The following NEK7 variants were observed in gnomAD, a reference collection of about 807,000 sequenced individuals.
NEK7 encodes the protein serine/threonine-protein kinase Nek7.
In NEK7, 18 loss-of-function variants were observed where a neutral mutation model predicts 44.6. That is an observed-to-expected ratio of 0.40 (90% CI 0.28 to 0.60). The LOEUF is 0.60. NEK7 is among the 20% of genes least tolerant of loss of function. The pLI, the probability that NEK7 is intolerant of heterozygous loss-of-function variation, is 0.38. For missense variants in NEK7, 256 were observed against 366.5 expected (o/e 0.70, Z 2.46); for synonymous variants, 130 against 121.1 (o/e 1.07, Z -0.48).
chr1:198,281,772 C>A (rs1654205685), intron 7 of NEK7, among the ~76,000 whole-genome samples: 1 of 151,970 alleles, frequency 6.6e-6, no homozygotes, highest in Admixed American at 6.6e-5. Flanking sequence ...ATTGGCAAGT[C>A]TTTGCATTTT....
intron 2 of NEK7, among the ~76,000 whole-genome samples, chr1:198,233,903 C>T (rs1056460013): frequency 4.0e-5 from 6 of 151,888 alleles, no homozygotes; most frequent in African/African-American, 1.5e-4. Flanking sequence ...AAATCCTGCC[C>T]ATCCTTTAAG....
intron 9 of NEK7, among the ~76,000 whole-genome samples, chr1:198,298,408 A>C (rs1659845338): frequency 6.6e-6 from 1 of 152,192 alleles, no homozygotes; most frequent in South Asian, 2.1e-4. Context: ...GGTAGTTTTG[A>C]TACTGATAAT....
chr1:198,226,752 C>T (rs960529547), intron 1 of NEK7, among the ~76,000 whole-genome samples: 1 of 151,822 alleles, frequency 6.6e-6, no homozygotes, highest in Non-Finnish European at 1.5e-5. Flanking sequence ...TCTCTGTGAA[C>T]TTCTCCTGCC....
At chr1:198,208,346 T>C (rs929713667) in intron 1 of NEK7, among the ~76,000 whole-genome samples, 1 of 152,178 alleles carries the variant, frequency 6.6e-6, no homozygotes, top group Non-Finnish European at 1.5e-5. Context: ...ATCACTTTAA[T>C]TTTAGGGTTT....
intron 1 of NEK7, among the ~76,000 whole-genome samples, chr1:198,158,820 G>C (rs909986172): frequency 6.6e-6 from 1 of 152,156 alleles, no homozygotes; most frequent in African/African-American, 2.4e-5. Flanking sequence ...CCAGTCCACA[G>C]CTTGCTTCAC....
intron 3 of NEK7, among the ~76,000 whole-genome samples, chr1:198,255,413 G>T (rs578192628): frequency 6.6e-6 from 1 of 152,216 alleles, no homozygotes; most frequent in African/African-American, 2.4e-5. Context: ...CTGATTCTGA[G>T]TGTGGAAAAC....
intron 9 of NEK7, among the ~76,000 whole-genome samples, chr1:198,317,079 ATAAT>A (rs78133987): frequency 0.035 from 5,320 of 152,310 alleles, 178 homozygotes; most frequent in East Asian, 0.19. Flanking sequence ...AATGTAACAA[ATAAT>A]TGAGGAAAAG....
intron 1 of NEK7, among the ~76,000 whole-genome samples, chr1:198,225,460 C>T (rs969051052): frequency 6.6e-6 from 1 of 152,026 alleles, no homozygotes; most frequent in Non-Finnish European, 1.5e-5. Flanking sequence ...GGTGCAGTAG[C>T]CTGTTAACTG....
Position 198,196,479 on chromosome 1 carries a change from T to C in NEK7, c.-28-36074T>C, listed in dbSNP as rs77276295. 4.5e-4 allele frequency among the ~76,000 whole-genome samples: 69 copies of C among 152,352 alleles called. 1 individual carries two copies. In the East Asian group the frequency reaches 0.01, roughly 22 times the overall value. On this transcript the variant is annotated intron_variant, in intron 1 of 9. Coordinates refer to ENST00000367385, the MANE Select transcript of NEK7 (RefSeq NM_133494.3). ...CCCCACTTGCTAGCTGTGTGACGTATCTGTTAGGAATAGATTTAGCTTTAA... is the reference window on the plus strand; with the variant it reads ...CCCCACTTGCTAGCTGTGTGACGTACCTGTTAGGAATAGATTTAGCTTTAA...
At chr1:198,310,354 G>A (rs1206478831) in intron 9 of NEK7, among the ~76,000 whole-genome samples, 2 of 151,958 alleles carry the variant, frequency 1.3e-5, no homozygotes, top group Non-Finnish European at 2.9e-5. Flanking sequence ...GCCTTTGTCA[G>A]ATGAGTAGGT....
Position 198,258,405 on chromosome 1 carries a change from C to T in NEK7, c.199-4170C>T, listed in dbSNP as rs1169376451. On this transcript the variant is annotated intron_variant, in intron 3 of 9. Transcript: ENST00000367385. ...AGTGAGCCAAGATCACGCCACTGCA[C>T]TCCAGCCTGGAGACAAAGCAAGACT... 2.0e-5 allele frequency among the ~76,000 whole-genome samples: 3 copies of T among 152,190 alleles called. No homozygotes were observed. The East Asian group carries it at 5.8e-4, about 29-fold the overall frequency.
At chr1:198,314,760 G>A (rs1655301253) in intron 9 of NEK7, among the ~76,000 whole-genome samples, 1 of 152,228 alleles carries the variant, frequency 6.6e-6, no homozygotes, top group Non-Finnish European at 1.5e-5. Context: ...TCAGGGGTCA[G>A]AGACCCACTT....
intron 3 of NEK7, among the ~76,000 whole-genome samples, chr1:198,257,507 G>A (rs1051726747): frequency 6.6e-6 from 1 of 152,068 alleles, no homozygotes; most frequent in Non-Finnish European, 1.5e-5. Flanking sequence ...TAACCTCTGT[G>A]GCTCTGCCTT....
At chr1:198,231,937 G>GA (rs958433795) in intron 1 of NEK7, among the ~76,000 whole-genome samples, 1 of 152,048 alleles carries the variant, frequency 6.6e-6, no homozygotes, top group Admixed American at 6.6e-5. Context: ...GTAGTTCCTG[G>GA]AGTGTAAGGG....
At chr1:198,226,935 G>A (rs1419092476) in intron 1 of NEK7, among the ~76,000 whole-genome samples, 2 of 151,862 alleles carry the variant, frequency 1.3e-5, no homozygotes, top group Non-Finnish European at 2.9e-5. Context: ...AGTTACATAT[G>A]TATACATGTG....
In NEK7 at chr1:198,264,197, G is replaced by T; in HGVS notation, c.334G>T (p.Glu112Ter). Reference sequence around the variant, plus strand: ...AGATAATGAACTAAACATAGTTTTGGAACTAGCAGATGCTGGCGACCTATC... The same window carrying T: ...AGATAATGAACTAAACATAGTTTTGTAACTAGCAGATGCTGGCGACCTATC... The part of the protein sequence containing the change: ...IEDNELNIVL[E>*]LADAGDLSRM... Residue 112 changes from glutamate to a stop codon, truncating the protein, a stop_gained, in exon 5 of 10, where the codon GAA becomes TAA. Coordinates refer to ENST00000367385, the MANE Select transcript of NEK7 (RefSeq NM_133494.3). LOFTEE classifies it high-confidence loss of function. The T allele has an allele frequency of 6.2e-7, 1 of 1,605,358 alleles. No homozygotes were observed. The highest frequency in any genetic ancestry group is 8.5e-7 in the Non-Finnish European group (1 of 1,175,830).
At position 198,292,836 on chromosome 1, in the gene NEK7, A is replaced by T. The variant is rs1654602418; in HGVS notation, c.590-109A>T. On this transcript the variant is annotated intron_variant, in intron 7 of 9. Coordinates refer to ENST00000367385, the MANE Select transcript of NEK7 (RefSeq NM_133494.3). ...TCAAAAACAGCTTTCGATCCTAATG[A>T]ATTATTTTGGTGATGTTTTTAAATT... The T allele has an allele frequency of 4.1e-6, 3 of 728,586 alleles. No individual in the cohort carries two copies. In the East Asian group the frequency reaches 7.5e-5, roughly 18 times the overall value. 45.1% of individuals were successfully genotyped at this position (728,586 alleles called of 1,614,324 possible). A position where few individuals can be genotyped will look rare whatever the true frequency, so the allele number is the denominator to read the frequency against.
At chr1:198,229,335 C>G (rs1666318983) in intron 1 of NEK7, among the ~76,000 whole-genome samples, 1 of 152,152 alleles carries the variant, frequency 6.6e-6, no homozygotes, top group Non-Finnish European at 1.5e-5. Flanking sequence ...TATCCTTATG[C>G]TTTGTAATAT....
At chr1:198,283,740 T>C (rs1320420659) in intron 7 of NEK7, among the ~76,000 whole-genome samples, 3 of 152,128 alleles carry the variant, frequency 2.0e-5, no homozygotes, top group Admixed American at 2.0e-4. Context: ...AGCTTTCTAA[T>C]AGTATAGGTC....
Sources: gnomAD v4.1 joint callset for allele counts (sites outside exome capture counted in the v4.1 genomes callset) on GRCh38, gnomAD v4.1.1 for gene constraint, MANE v1.5 for transcripts, NCBI Gene and HGNC (gene_info 2026-07-23, HGNC 2026-07-21) for gene names.